The following APBB1IP variants were observed in gnomAD, a reference collection of about 807,000 sequenced individuals.
APBB1IP encodes the protein amyloid beta precursor protein binding family B member 1 interacting protein.
A neutral mutation model predicts 64.9 loss-of-function variants in APBB1IP; 27 were observed. The ratio of observed to expected loss-of-function variants is 0.42; its 90% CI spans 0.31 to 0.57. The LOEUF (loss-of-function observed/expected upper bound fraction) is 0.57, where lower values mean the gene tolerates loss of function less well. Among genes scored for constraint, APBB1IP ranks in the 20% least tolerant of loss-of-function variants. The pLI, the probability that APBB1IP is intolerant of heterozygous loss-of-function variation, is 0.20. For missense variants in APBB1IP, 812 were observed against 845.5 expected, an observed-to-expected ratio of 0.96 and a Z score of 0.49; for synonymous variants, 392 against 331.0, an observed-to-expected ratio of 1.18 and a Z score of -2.00.
intron 2 of APBB1IP, among the ~76,000 whole-genome samples, chr10:26,456,561 A>T (rs1255336086): frequency 6.6e-6 from 1 of 151,646 alleles, no homozygotes; most frequent in African/African-American, 2.4e-5. Context: ...TAAGAAGAAA[A>T]CTCTGGTGGC....
chr10:26,520,103 A>G (rs956811), intron 8 of APBB1IP, among the ~76,000 whole-genome samples: 34,911 of 152,028 alleles, frequency 0.23, 4,164 homozygotes, highest in East Asian at 0.33. Flanking sequence ...CTTGAGCACA[A>G]GATGTCAAGA....
At chr10:26,550,629 T>C (rs1836818879) in intron 11 of APBB1IP, among the ~76,000 whole-genome samples, 1 of 152,206 alleles carries the variant, frequency 6.6e-6, no homozygotes, top group African/African-American at 2.4e-5. Context: ...ATCTGATGAA[T>C]GCTTCTGATA....
chr10:26,484,701 C>T (rs1352183703), intron 2 of APBB1IP, among the ~76,000 whole-genome samples: 1 of 152,074 alleles, frequency 6.6e-6, no homozygotes, highest in African/African-American at 2.4e-5. Context: ...ACATATTTCA[C>T]TTAATATATA....
chr10:26,495,962 A>AT (rs530008494), intron 3 of APBB1IP, among the ~76,000 whole-genome samples: 1 of 131,210 alleles, frequency 7.6e-6, no homozygotes, highest in African/African-American at 3.6e-5. Context: ...TTTTATATAT[A>AT]TTTAATATAT....
intron 3 of APBB1IP, 131 bp downstream of exon 3, chr10:26,492,529 T>A (rs930416433): frequency 2.6e-6 from 2 of 756,174 alleles, no homozygotes; most frequent in South Asian, 1.8e-5. Context: ...TATTTCAATG[T>A]AGGTTCTTTT....
chr10:26,551,124 TATC>T (rs1836825006), intron 11 of APBB1IP, among the ~76,000 whole-genome samples: 1 of 152,266 alleles, frequency 6.6e-6, no homozygotes, highest in African/African-American at 2.4e-5. Context: ...CCATCTGGTG[TATC>T]ATCACATCTG....
intron 6 of APBB1IP, among the ~76,000 whole-genome samples, chr10:26,505,944 G>A (rs529260076): frequency 1.3e-5 from 2 of 151,900 alleles, no homozygotes; most frequent in Non-Finnish European, 1.5e-5. Context: ...ATGACATGGC[G>A]ACCAGTCACC....
chr10:26,491,508 A>G (rs1835954492), intron 2 of APBB1IP, among the ~76,000 whole-genome samples: 1 of 152,036 alleles, frequency 6.6e-6, no homozygotes, highest in Non-Finnish European at 1.5e-5. Flanking sequence ...GTCCCACCCT[A>G]TTTTGTCGCA....
intron 3 of APBB1IP, among the ~76,000 whole-genome samples, chr10:26,494,677 T>A (rs1835997700): frequency 2.0e-5 from 3 of 151,938 alleles, no homozygotes; most frequent in Non-Finnish European, 1.5e-5. Flanking sequence ...ATACAAAAAT[T>A]AGCCGAGCGT....
chr10:26,441,340 A>G (rs911190608), intron 2 of APBB1IP, among the ~76,000 whole-genome samples: 9 of 152,196 alleles, frequency 5.9e-5, no homozygotes, highest in Admixed American at 2.0e-4. Flanking sequence ...ACTGCTAGAT[A>G]TCTGGAACAG....
Position 26,560,802 on chromosome 10 carries a change from T to C in APBB1IP, c.1327T>C (p.Leu443=), listed in dbSNP as rs779489525. The C allele has an allele frequency of 5.6e-6, 9 of 1,607,846 alleles. No homozygotes were observed. The highest frequency in any genetic ancestry group is 2.2e-5 in the East Asian group (1 of 44,782). ...KAGLASRWTN[L]GTVNAAAPAQ... Reference sequence around the variant, plus strand: ...TGGACTTGCCTCTCGGTGGACAAACTTGGGGACAGTCAATGCAGCTGCACC... The same window carrying C: ...TGGACTTGCCTCTCGGTGGACAAACCTGGGGACAGTCAATGCAGCTGCACC... Residue 443 remains leucine, a synonymous_variant, in exon 13 of 15, where the codon TTG becomes CTG. Coordinates refer to ENST00000376236, the MANE Select transcript of APBB1IP (RefSeq NM_019043.4).
At chr10:26,495,284 G>C (rs567945053) in intron 3 of APBB1IP, among the ~76,000 whole-genome samples, 1 of 152,016 alleles carries the variant, frequency 6.6e-6, no homozygotes, top group East Asian at 1.9e-4. Context: ...GGGATTACAG[G>C]TGTGAGCCAA....
chr10:26,466,517 T>G (rs996270959), intron 2 of APBB1IP, among the ~76,000 whole-genome samples: 2 of 152,180 alleles, frequency 1.3e-5, no homozygotes, highest in Non-Finnish European at 2.9e-5. Context: ...AGTTATCCAG[T>G]TGGCTGGATA....
In APBB1IP at chr10:26,485,892, A is replaced by T. The variant is rs183709549; in HGVS notation, c.1-6435A>T. Among the ~76,000 whole-genome samples the T allele has an allele frequency of 1.0e-3, 159 of 152,266 alleles. 2 individuals carry two copies. The highest frequency in any genetic ancestry group is 7.0e-3 in the Admixed American group (107 of 15,284). On this transcript the variant is annotated intron_variant, in intron 2 of 14. Coordinates refer to ENST00000376236, the MANE Select transcript of APBB1IP (RefSeq NM_019043.4). ...GGATATTATTTAAAGGGAATAGCATATACAAAGACAAAAAGAGTTCTAAAA... is the reference window on the plus strand; with the variant it reads ...GGATATTATTTAAAGGGAATAGCATTTACAAAGACAAAAAGAGTTCTAAAA...
At chr10:26,535,745 C>T (rs527589104) in intron 9 of APBB1IP, among the ~76,000 whole-genome samples, 16 of 151,920 alleles carry the variant, frequency 1.1e-4, no homozygotes, top group African/African-American at 2.7e-4. Context: ...TACAATATGC[C>T]GAGACTGTAC....
chr10:26,567,616 C>T lies in APBB1IP; in HGVS notation c.*128C>T. 7.0e-7 allele frequency: 1 copy of T among 1,434,708 alleles called. No individual in the cohort carries two copies. The highest frequency in any genetic ancestry group is 9.3e-7 in the Non-Finnish European group (1 of 1,076,988). The allele number at this position is 1,434,708 out of a possible 1,614,324, so 88.9% of individuals were successfully genotyped here. A position where few individuals can be genotyped will look rare whatever the true frequency, so the allele number is the denominator to read the frequency against. On this transcript the variant is annotated 3_prime_UTR_variant, in exon 15 of 15. Transcript: ENST00000376236. ...TGATGGGAAACTTCTCACTGATGTG[C>T]TCAAGTACAGGCATAACCATTAACC...
chr10:26,511,729 C>T lies in APBB1IP; in HGVS notation c.532-18C>T. The T allele has an allele frequency of 6.2e-7, 1 of 1,610,696 alleles. No homozygotes were observed. The highest frequency in any genetic ancestry group is 8.5e-7 in the Non-Finnish European group (1 of 1,177,228). On this transcript the variant is annotated intron_variant, in intron 6 of 14. Coordinates refer to ENST00000376236, the MANE Select transcript of APBB1IP (RefSeq NM_019043.4). ...CAGTTGCTGAAATTTACTGGCTGCC[C>T]CATGGTTCTATCCTCAGCTCGTCGT...
At chr10:26,441,951 A>C (rs1835342471) in intron 2 of APBB1IP, among the ~76,000 whole-genome samples, 1 of 152,222 alleles carries the variant, frequency 6.6e-6, no homozygotes, top group East Asian at 1.9e-4. Flanking sequence ...TCACATCAAG[A>C]TGAAAGCACA....
Position 26,567,314 on chromosome 10 carries a change from G to GCCCGCC in APBB1IP, c.1832_1837dup (p.Ala611_Pro612dup), listed in dbSNP as rs978021776. 12 of 1,208,572 alleles carry GCCCGCC rather than the reference G, an allele frequency of 9.9e-6. No homozygotes were observed. The highest frequency in any genetic ancestry group is 1.7e-5 in the African/African-American group (1 of 58,770). The allele number at this position is 1,208,572 out of a possible 1,614,324, so 74.9% of individuals were successfully genotyped here. A position where few individuals can be genotyped will look rare whatever the true frequency, so the allele number is the denominator to read the frequency against. On this transcript the variant is annotated inframe_insertion, in exon 15 of 15. Coordinates refer to ENST00000376236, the MANE Select transcript of APBB1IP (RefSeq NM_019043.4). ...CGCCGCCGCCGCCGCCCGCGCCCGC[G>GCCCGCC]CCCGCCCCCGTCCCCGACTCCGCCA...
Sources: allele counts gnomAD v4.1 joint callset (sites outside exome capture counted in the v4.1 genomes callset), GRCh38; gene constraint gnomAD v4.1.1; transcripts MANE v1.5; gene names NCBI Gene and HGNC (gene_info 2026-07-23, HGNC 2026-07-21).